Variants in OR6B3 observed in about 807,000 individuals in gnomAD.
The protein encoded by OR6B3 is olfactory receptor 6B3.
For synonymous variants in OR6B3, 148 were observed against 187.8 expected (o/e 0.79, Z 1.73); for missense variants, 315 against 427.4 (o/e 0.74, Z 2.32).
chr2:240,045,238 T>C, exon 2 of OR6B3: 2 of 1,614,208 alleles, frequency 1.2e-6, no homozygotes, highest in South Asian at 1.1e-5. Context: ...GTGATAACTG[T>C]GTACAAAACA....
intron 1 of OR6B3, among the ~76,000 whole-genome samples, chr2:240,046,471 G>C (rs997906501): frequency 1.2e-4 from 18 of 152,278 alleles, no homozygotes; most frequent in African/African-American, 3.6e-4. Context: ...ACTGCCCCAG[G>C]CTTCTGGATG....
At chr2:240,045,227 G>C in exon 2 of OR6B3, 1 of 1,614,228 alleles carries the variant, frequency 6.2e-7, no homozygotes, top group Non-Finnish European at 8.5e-7. Flanking sequence ...TCAAGATGGG[G>C]GTGATAACTG....
At position 240,046,111 on chromosome 2, in the gene OR6B3, A is replaced by T; in HGVS notation, c.-25-14T>A. On this transcript the variant is annotated splice_polypyrimidine_tract_variant and intron_variant, in intron 1 of 1. Coordinates refer to ENST00000641019, the Ensembl canonical transcript of OR6B3. Reference sequence around the variant, plus strand: ...GGAGCTGCAGGCCTACAAAACATCAAAGAGCAAGAGGAAAGGGCTGCAGGG... The same window carrying T: ...GGAGCTGCAGGCCTACAAAACATCATAGAGCAAGAGGAAAGGGCTGCAGGG... 1 of 1,510,204 alleles carries T rather than the reference A, an allele frequency of 6.6e-7. No homozygotes were observed. 93.6% of individuals were successfully genotyped at this position (1,510,204 alleles called of 1,614,324 possible).
At chr2:240,045,774 T>C (rs771368409) in exon 2 of OR6B3, 2 of 1,441,166 alleles carry the variant, frequency 1.4e-6, no homozygotes, top group East Asian at 2.3e-5. Context: ...GAAGTAGAGC[T>C]GCGTCATGCA....
chr2:240,051,297 A>T (rs1574920797), upstream of OR6B3, among the ~76,000 whole-genome samples: 1 of 152,206 alleles, frequency 6.6e-6, no homozygotes, highest in Non-Finnish European at 1.5e-5. Context: ...GACAAGGAAG[A>T]CTGGGGGCTT....
chr2:240,052,859 T>C, the OR6B3 span, among the ~76,000 whole-genome samples: 1 of 152,234 alleles, frequency 6.6e-6, no homozygotes, highest in South Asian at 2.1e-4. The surrounding 1 kb of genome is among the most constrained non-coding windows in gnomAD (Gnocchi z 4.5). Flanking sequence ...TTGCCCAGGC[T>C]GGAGTGCAGT....
exon 2 of OR6B3, chr2:240,045,129 C>T: frequency 1.2e-6 from 2 of 1,611,984 alleles, no homozygotes; most frequent in Non-Finnish European, 1.7e-6. Context: ...ACTAGAAAGC[C>T]TCCCCTCTAC....
chr2:240,048,150 A>G (rs970105116), upstream of OR6B3, among the ~76,000 whole-genome samples: 1 of 152,242 alleles, frequency 6.6e-6, no homozygotes, highest in Non-Finnish European at 1.5e-5. Flanking sequence ...CGTTCCATAA[A>G]TGGTAGCAAT....
upstream of OR6B3, among the ~76,000 whole-genome samples, chr2:240,048,574 C>T (rs561241718): frequency 3.9e-5 from 6 of 152,202 alleles, no homozygotes; most frequent in South Asian, 1.0e-3. Flanking sequence ...GGAGCTATGC[C>T]TCTCTCACTA....
the OR6B3 span, among the ~76,000 whole-genome samples, chr2:240,053,112 G>A: frequency 6.6e-6 from 1 of 152,116 alleles, no homozygotes; most frequent in African/African-American, 2.4e-5. The surrounding 1 kb of genome is among the most constrained non-coding windows in gnomAD (Gnocchi z 4.1). Context: ...ACATAAATAG[G>A]GAGACAGATT....
exon 2 of OR6B3, chr2:240,046,043 G>T: frequency 6.2e-7 from 1 of 1,613,636 alleles, no homozygotes; most frequent in Non-Finnish European, 8.5e-7. Context: ...GGATGAAGGT[G>T]CCGACCCTGG....
At chr2:240,048,184 T>C (rs1436010291), upstream of OR6B3, among the ~76,000 whole-genome samples, 1 of 152,228 alleles carries the variant, frequency 6.6e-6, no homozygotes, top group Non-Finnish European at 1.5e-5. Context: ...GTTACATTAA[T>C]GAAATCTAAT....
upstream of OR6B3, among the ~76,000 whole-genome samples, chr2:240,049,669 T>C (rs1698231849): frequency 6.6e-6 from 1 of 152,182 alleles, no homozygotes; most frequent in Admixed American, 6.5e-5. Context: ...TGCAAACGTC[T>C]CTCCTTGTTA....
At chr2:240,051,527 A>G (rs1468757573), upstream of OR6B3, among the ~76,000 whole-genome samples, 5 of 152,246 alleles carry the variant, frequency 3.3e-5, no homozygotes, top group African/African-American at 1.2e-4. Context: ...AGAGCATGGG[A>G]AAGTCCCAAT....
chr2:240,045,043 G>T (rs779081888), downstream of OR6B3: 47 of 1,523,894 alleles, frequency 3.1e-5, no homozygotes, highest in Non-Finnish European at 3.7e-5. Flanking sequence ...AATAAATGCG[G>T]TACTACAATA....
chr2:240,049,756 G>C (rs896716971), upstream of OR6B3, among the ~76,000 whole-genome samples: 1 of 152,042 alleles, frequency 6.6e-6, no homozygotes, highest in African/African-American at 2.4e-5. Context: ...GTTAAAGCCA[G>C]TAACTAGATT....
upstream of OR6B3, among the ~76,000 whole-genome samples, chr2:240,047,304 G>A (rs1198189020): frequency 6.6e-6 from 1 of 152,186 alleles, no homozygotes; most frequent in African/African-American, 2.4e-5. Context: ...ATTAATAAGG[G>A]ATGGGCTAAG....
chr2:240,051,104 A>G (rs1698251147), upstream of OR6B3, among the ~76,000 whole-genome samples: 1 of 152,252 alleles, frequency 6.6e-6, no homozygotes, highest in Non-Finnish European at 1.5e-5. Context: ...GTAGGCTTAG[A>G]GTTGAGGACA....
chr2:240,050,343 C>T (rs1020857853), upstream of OR6B3, among the ~76,000 whole-genome samples: 2 of 152,232 alleles, frequency 1.3e-5, no homozygotes, highest in Non-Finnish European at 2.9e-5. Flanking sequence ...CCCAAATGGT[C>T]TGTTTCACTT....
Sources: gnomAD v4.1 joint callset for allele counts (sites outside exome capture counted in the v4.1 genomes callset) on GRCh38, gnomAD v4.1.1 for gene constraint, Gnocchi (gnomAD v3.1) non-coding constraint, MANE v1.5 for transcripts, NCBI Gene and HGNC (gene_info 2026-07-23, HGNC 2026-07-21) for gene names.